CFAP61: variants seen among roughly 807,000 people sequenced by gnomAD.
CFAP61 encodes the protein cilia and flagella associated protein 61, also known as cilia- and flagella-associated protein 61.
In CFAP61, 107 loss-of-function variants were observed where a neutral mutation model predicts 135.6. That is an observed-to-expected ratio of 0.79 (90% confidence interval 0.67 to 0.93). The LOEUF is 0.93. CFAP61 is among the 40% of genes least tolerant of loss of function. CFAP61 has a pLI of 0.00. For missense variants in CFAP61, 1,507 were observed against 1,556.2 expected (o/e 0.97, Z 0.53); for synonymous variants, 575 against 578.5 (o/e 0.99, Z 0.09).
chr20:20,241,158 CAG>C (rs1243188709), intron 18 of CFAP61, among the ~76,000 whole-genome samples: 1 of 152,112 alleles, frequency 6.6e-6, no homozygotes, highest in Admixed American at 6.5e-5. Flanking sequence ...TCTTCTGACT[CAG>C]GGGAATGGAA....
chr20:20,313,050 A>G (rs996996665), intron 25 of CFAP61, among the ~76,000 whole-genome samples: 2 of 152,188 alleles, frequency 1.3e-5, no homozygotes, highest in African/African-American at 2.4e-5. Flanking sequence ...CACCAAATGT[A>G]TATGTTGAAG....
At chr20:20,149,151 A>T (rs1164191228) in intron 9 of CFAP61, among the ~76,000 whole-genome samples, 1 of 152,242 alleles carries the variant, frequency 6.6e-6, no homozygotes, top group Non-Finnish European at 1.5e-5. Context: ...TACATAGAAC[A>T]TGGACAGTTT....
At chr20:20,147,395 C>T (rs148048123) in intron 9 of CFAP61, among the ~76,000 whole-genome samples, 1,700 of 152,270 alleles carry the variant, frequency 0.011, 34 homozygotes, top group African/African-American at 0.039. Flanking sequence ...TCACCACATC[C>T]ACACCAACAT....
rs192653344 is a variant in CFAP61 at position 20,187,091 on chromosome 20, C to T, written c.1386-839C>T. On this transcript the variant is annotated intron_variant, in intron 13 of 26. Transcript: ENST00000245957. ...AGGAGGTCCACACTGAGTTGCTAGC[C>T]GAACACGCCATGGCACTGCCTGCCC... Among the ~76,000 whole-genome samples, 28 of 152,230 alleles carry T rather than the reference C, an allele frequency of 1.8e-4. No homozygotes were observed. The South Asian group carries it at 1.9e-3, about 10-fold the overall frequency.
intron 18 of CFAP61, among the ~76,000 whole-genome samples, chr20:20,235,895 A>G (rs1688077489): frequency 6.6e-6 from 1 of 152,084 alleles, no homozygotes; most frequent in Non-Finnish European, 1.5e-5. Flanking sequence ...TCTGTGTGAG[A>G]CCCAGAGCAG....
Position 20,277,205 on chromosome 20 carries a change from C to T in CFAP61, c.2543C>T (p.Thr848Ile), listed in dbSNP as rs139703873. Residue 848 changes from threonine (T) to isoleucine (I), a missense_variant, in exon 22 of 27, where the codon ACC becomes ATC. Coordinates refer to ENST00000245957, the MANE Select transcript of CFAP61 (RefSeq NM_015585.4). Reference sequence around the variant, plus strand: ...TATGGGAATACAATTGATACTTACACCACCGTGGAGACGCTCTTAAACCTT... The same window carrying T: ...TATGGGAATACAATTGATACTTACATCACCGTGGAGACGCTCTTAAACCTT... ...IVYGNTIDTY[T>I]TVETLLNLGV... is the part of the protein sequence containing the mutation. The T allele has an allele frequency of 3.7e-6, 6 of 1,613,414 alleles. No individual in the cohort carries two copies. The highest frequency in any genetic ancestry group is 5.1e-6 in the Non-Finnish European group (6 of 1,179,674).
intron 18 of CFAP61, among the ~76,000 whole-genome samples, chr20:20,244,220 C>G (rs1313674221): frequency 6.6e-6 from 1 of 152,110 alleles, no homozygotes; most frequent in African/African-American, 2.4e-5. Context: ...TCTCACAGCT[C>G]CACTAGAAGT....
intron 21 of CFAP61, chr20:20,265,832 A>G (rs2052687260): frequency 4.5e-6 from 1 of 222,986 alleles, no homozygotes; most frequent in African/African-American, 2.3e-5. Flanking sequence ...TGCCTTAAAA[A>G]AACTTTCTCC....
chr20:20,242,275 A>G (rs60223290), intron 18 of CFAP61, among the ~76,000 whole-genome samples: 1 of 152,228 alleles, frequency 6.6e-6, no homozygotes, highest in Non-Finnish European at 1.5e-5. Flanking sequence ...TGAACTAAGA[A>G]GAGATTTTAG....
chr20:20,216,181 G>C (rs1688117093), intron 17 of CFAP61, among the ~76,000 whole-genome samples: 1 of 152,172 alleles, frequency 6.6e-6, no homozygotes, highest in Non-Finnish European at 1.5e-5. Context: ...ATTACATCTT[G>C]TTTGGAAGCT....
At chr20:20,148,123 A>AT (rs1319935987) in intron 9 of CFAP61, among the ~76,000 whole-genome samples, 2 of 152,088 alleles carry the variant, frequency 1.3e-5, no homozygotes, top group Non-Finnish European at 2.9e-5. Context: ...GCCTATTTTT[A>AT]TACCAGTATT....
intron 8 of CFAP61, among the ~76,000 whole-genome samples, chr20:20,124,413 T>C (rs1415445175): frequency 1.3e-5 from 2 of 151,814 alleles, no homozygotes; most frequent in Non-Finnish European, 2.9e-5. Flanking sequence ...GGTATGTTCC[T>C]TGTATGCTGA....
At chr20:20,259,402 C>T (rs1264117542) in intron 20 of CFAP61, among the ~76,000 whole-genome samples, 1 of 150,734 alleles carries the variant, frequency 6.6e-6, no homozygotes, top group African/African-American at 2.4e-5. Flanking sequence ...TATACAGGTA[C>T]ATGCCGCCAA....
In CFAP61 at chr20:20,317,536, C is replaced by A. The variant is rs117437276; in HGVS notation, c.3422+19150C>A. ...TACTTTTTGTCACCTTCTTCGCAAACCTTAAGTTGTGTTTTGTGACTTATT... is the reference window on the plus strand; with the variant it reads ...TACTTTTTGTCACCTTCTTCGCAAAACTTAAGTTGTGTTTTGTGACTTATT... On this transcript the variant is annotated intron_variant, in intron 25 of 26. Coordinates refer to ENST00000245957, the MANE Select transcript of CFAP61 (RefSeq NM_015585.4). Among the ~76,000 whole-genome samples the A allele has an allele frequency of 8.3e-4, 127 of 152,284 alleles. 1 individual carries two copies. The East Asian group carries it at 0.02, about 24-fold the overall frequency.
intron 22 of CFAP61, among the ~76,000 whole-genome samples, chr20:20,286,205 A>T (rs1408916352): frequency 2.0e-5 from 3 of 152,092 alleles, no homozygotes; most frequent in Non-Finnish European, 2.9e-5. Flanking sequence ...CAGAAGCAGA[A>T]CTCTCTTGAA....
At chr20:20,181,204 T>TACATATATAC (rs1265747807) in intron 13 of CFAP61, among the ~76,000 whole-genome samples, 1 of 137,710 alleles carries the variant, frequency 7.3e-6, no homozygotes, top group East Asian at 2.0e-4. Context: ...TGTATATATA[T>TACATATATAC]GTATATATAC....
Position 20,263,068 on chromosome 20 carries a change from A to G in CFAP61, c.2441A>G (p.Asn814Ser), listed in dbSNP as rs377081027. 25 of 1,614,066 alleles carry G rather than the reference A, an allele frequency of 1.5e-5. No individual in the cohort carries two copies. The African/African-American group carries it at 1.9e-4, about 12-fold the overall frequency. Residue 814 changes from asparagine to serine, a missense_variant, in exon 21 of 27, where the codon AAC (asparagine) becomes AGC (serine). Transcript: ENST00000245957. ...GTTCCTTGCAACCATTTCACTCTCA[A>G]CGAGGAAGAGGATTGCTTTAAGGCA... ...GKVPCNHFTL[N>S]EEEDCFKALI...
Position 20,059,070 on chromosome 20 carries a change from C to T in CFAP61, c.143+2274C>T, listed in dbSNP as rs532318529. On this transcript the variant is annotated intron_variant, in intron 2 of 26. Transcript: ENST00000245957. ...AGAAGGCCGGACACAGTGGCTCATG[C>T]CTGTAATCCCAGCACTTTGGGAGGC... Among the ~76,000 whole-genome samples, 219 of 152,170 alleles carry T rather than the reference C, an allele frequency of 1.4e-3. 3 individuals carry two copies. Among genetic ancestry groups the T allele is most frequent in the Middle Eastern group, 0.01 (3 of 294 alleles).
intron 8 of CFAP61, among the ~76,000 whole-genome samples, chr20:20,134,531 C>T (rs2424262): frequency 1.3e-5 from 2 of 152,278 alleles, no homozygotes; most frequent in South Asian, 2.1e-4. Flanking sequence ...GCATTACATG[C>T]TCAGTTTCTA....
Sources: allele counts gnomAD v4.1 joint callset (sites outside exome capture counted in the v4.1 genomes callset), GRCh38; gene constraint gnomAD v4.1.1; transcripts MANE v1.5; gene names NCBI Gene and HGNC (gene_info 2026-07-23, HGNC 2026-07-21).